Variants in U2AF1L4 observed in about 807,000 individuals in gnomAD.
U2AF1L4 encodes splicing factor U2AF 26 kDa subunit.
U2AF1L4 carries 21 observed loss-of-function variants against 21.7 expected under a neutral mutation model. The observed-to-expected ratio is 0.97, with a 90% CI of 0.69 to 1.39. The LOEUF (loss-of-function observed/expected upper bound fraction) is 1.39, where lower values mean the gene tolerates loss of function less well. Ranked by LOEUF, U2AF1L4 falls within the 40% of genes most tolerant of loss-of-function variation. The pLI is 0.00. For missense variants in U2AF1L4, 259 were observed against 245.7 expected (o/e 1.05, Z -0.36); for synonymous variants, 92 against 89.7 (o/e 1.03, Z -0.15).
intron 4 of U2AF1L4, 21 bp from the exon 5 acceptor site, chr19:35,743,925 T>C (rs1333287322): frequency 6.2e-7 from 1 of 1,610,462 alleles, no homozygotes; most frequent in African/African-American, 1.3e-5. Context: ...GGTAGAGAGA[T>C]GGAGGAAGCC....
At position 35,744,156 on chromosome 19, in the gene U2AF1L4, TGTCA is replaced by T; in HGVS notation, c.232-15_232-12del. The T allele has an allele frequency of 6.2e-7, 1 of 1,613,224 alleles. No individual in the cohort carries two copies. On this transcript the variant is annotated splice_polypyrimidine_tract_variant and intron_variant, in intron 3 of 5. Coordinates refer to ENST00000378975, the MANE Select transcript of U2AF1L4 (RefSeq NM_001040425.3). The stretch of plus-strand genomic sequence containing the variant: ...CTCCTCCCTCCGGAACTGCAGGAAA[TGTCA>T]GTCAGGGTCAGCAGGAGAACTCAGA...
At chr19:35,744,700 G>C in intron 2 of U2AF1L4, 2 of 1,536,120 alleles carry the variant, frequency 1.3e-6, no homozygotes, top group African/African-American at 1.4e-5. Flanking sequence ...GGTCTGCACA[G>C]AATTTAAAAG....
intron 2 of U2AF1L4, 97 bp downstream of exon 2, chr19:35,745,028 C>T: frequency 7.9e-7 from 1 of 1,261,066 alleles, no homozygotes; most frequent in Non-Finnish European, 1.1e-6. Context: ...TGGGGAGGGA[C>T]TCAGGAACCC....
downstream of U2AF1L4, chr19:35,742,478 T>G: frequency 6.4e-7 from 1 of 1,557,924 alleles, no homozygotes; most frequent in Non-Finnish European, 8.7e-7. Flanking sequence ...TTTCCCCTTT[T>G]CGTCACATGT....
chr19:35,743,484 T>G (rs1599725888), intron 5 of U2AF1L4: 1 of 340,890 alleles, frequency 2.9e-6, no homozygotes, highest in Admixed American at 4.3e-5. Context: ...AGGTTAGGAG[T>G]TCAGACCAGC....
intron 5 of U2AF1L4, 56 bp downstream of exon 5, chr19:35,743,753 T>G: frequency 6.9e-7 from 1 of 1,449,976 alleles, no homozygotes; most frequent in Non-Finnish European, 9.5e-7. Flanking sequence ...TAGGCTCATC[T>G]GAGGATATAG....
chr19:35,744,353 C>G lies in U2AF1L4; in HGVS notation c.201G>C (p.Gly67=). 1 of 1,614,116 alleles carries G rather than the reference C, an allele frequency of 6.2e-7. No individual in the cohort carries two copies. The highest frequency in any genetic ancestry group is 2.2e-5 in the East Asian group (1 of 44,882). The part of the protein sequence containing the change: ...IEEMNVCDNL[G]DHLVGNVYVK... The stretch of plus-strand genomic sequence containing the variant: ...CATAGACGTTGCCCACGAGGTGGTC[C>G]CCAAGGTTGTCGCACACATTCATCT... Residue 67 remains glycine (G), a synonymous_variant, in exon 3 of 6, where the codon GGG becomes GGC. Coordinates refer to ENST00000378975, the MANE Select transcript of U2AF1L4 (RefSeq NM_001040425.3).
At chr19:35,744,978 G>A in intron 2 of U2AF1L4, 147 bp downstream of exon 2, 4 of 808,750 alleles carry the variant, frequency 4.9e-6, no homozygotes, top group Non-Finnish European at 7.6e-6. Context: ...CCGGTGGGAG[G>A]AGCCTGCAGA....
intron 2 of U2AF1L4, chr19:35,744,915 G>T: frequency 1.4e-6 from 1 of 712,512 alleles, no homozygotes; most frequent in Non-Finnish European, 2.3e-6. Flanking sequence ...GCCGCCGTGT[G>T]TAGCCTGTAC....
At chr19:35,744,808 TGCATCG>T in intron 2 of U2AF1L4, 1 of 1,231,466 alleles carries the variant, frequency 8.1e-7, no homozygotes, top group Non-Finnish European at 1.1e-6. Context: ...GCATCATGAG[TGCATCG>T]GCGATCCTTT....
In U2AF1L4 at chr19:35,743,865, C is replaced by T. The variant is rs1217150748; in HGVS notation, c.405G>A (p.Leu135=). Residue 135 remains leucine, a synonymous_variant, in exon 5 of 6, where the codon CTG becomes CTA. Transcript: ENST00000378975. ...TRGGFCNFMH[L]RPISQNLQRQ... ...TCTGGAGGTTCTGGGAAATGGGCCG[C>T]AGATGCATGAAGTTGCAGAAGCCAC... is the stretch of plus-strand genomic sequence containing the variant. 6.2e-7 allele frequency: 1 copy of T among 1,613,584 alleles called. No homozygotes were observed. Among genetic ancestry groups the T allele is most frequent in the Non-Finnish European group, 8.5e-7 (1 of 1,179,816 alleles).
rs776764950 is a variant in U2AF1L4 at position 35,742,584 on chromosome 19, C to T, written c.*135G>A. The T allele has an allele frequency of 6.2e-7, 1 of 1,613,836 alleles. No individual in the cohort carries two copies. The highest frequency in any genetic ancestry group is 1.1e-5 in the South Asian group (1 of 91,082). On this transcript the variant is annotated 3_prime_UTR_variant, in exon 6 of 6. Coordinates refer to ENST00000378975, the MANE Select transcript of U2AF1L4 (RefSeq NM_001040425.3). The stretch of plus-strand genomic sequence containing the variant: ...AGACAGGGGCGGTAGAAGAAGGTCT[C>T]CATGCTGAACAGATTACATTATGGA...
downstream of U2AF1L4, chr19:35,742,507 C>T (rs752856755): frequency 1.3e-6 from 2 of 1,590,790 alleles, no homozygotes; most frequent in South Asian, 2.2e-5. Context: ...AGGGAAATGC[C>T]AAACCACAGC....
At chr19:35,743,642 G>A (rs772371785) in intron 5 of U2AF1L4, 167 bp downstream of exon 5, 20 of 684,582 alleles carry the variant, frequency 2.9e-5, no homozygotes, top group Non-Finnish European at 4.7e-5. Context: ...AACCAAGATG[G>A]TGCCAATGCA....
At chr19:35,742,492 G>A (rs1016997953), downstream of U2AF1L4, 2 of 1,573,938 alleles carry the variant, frequency 1.3e-6, no homozygotes, top group African/African-American at 2.7e-5. Flanking sequence ...CACATGTGTG[G>A]GTGGAGGGAA....
At chr19:35,742,526 G>C, downstream of U2AF1L4, 1 of 1,606,968 alleles carries the variant, frequency 6.2e-7, no homozygotes, top group Non-Finnish European at 8.5e-7. Context: ...GCAAAAGCAA[G>C]TTGATGCCGA....
Position 35,742,566 on chromosome 19 carries a change from G to A in U2AF1L4, c.*153C>T. On this transcript the variant is annotated 3_prime_UTR_variant, in exon 6 of 6. Transcript: ENST00000378975. The stretch of plus-strand genomic sequence containing the variant: ...AAACACGCAGCTTTATTAAGACAGG[G>A]GCGGTAGAAGAAGGTCTCCATGCTG... 3 of 1,613,684 alleles carry A rather than the reference G, an allele frequency of 1.9e-6. No homozygotes were observed. Among genetic ancestry groups the A allele is most frequent in the Non-Finnish European group, 2.5e-6 (3 of 1,179,958 alleles).
At position 35,745,173 on chromosome 19, in the gene U2AF1L4, C is replaced by G. The variant is rs1970515132; in HGVS notation, c.84G>C (p.Arg28=). 4.3e-6 allele frequency: 7 copies of G among 1,613,634 alleles called. No homozygotes were observed. Among genetic ancestry groups the G allele is most frequent in the Non-Finnish European group, 5.9e-6 (7 of 1,179,986 alleles). ...GAAGCCGGGAGCACCGGTCCCCGTG[C>G]CGGCAGACCCCGATCTTAAAGTAAA... is the stretch of plus-strand genomic sequence containing the variant. ...CSFYFKIGVC[R]HGDRCSRLHN... The change falls in exon 2 of 6, where the codon CGG becomes CGC. Residue 28 remains arginine (R), a synonymous_variant. Transcript: ENST00000378975.
chr19:35,744,693 C>A (rs189189403), intron 2 of U2AF1L4: 14 of 1,536,126 alleles, frequency 9.1e-6, no homozygotes, highest in Non-Finnish European at 1.1e-5. Context: ...GCACTATGGT[C>A]TGCACAGAAT....
Sources: allele counts gnomAD v4.1 joint callset, GRCh38; gene constraint gnomAD v4.1.1; transcripts MANE v1.5; gene names NCBI Gene and HGNC (gene_info 2026-07-23, HGNC 2026-07-21).